Variants in ADAM22 observed in about 807,000 individuals in gnomAD.
ADAM22 encodes the protein disintegrin and metalloproteinase domain-containing protein 22.
ADAM22 carries 65 observed loss-of-function variants against 144.6 expected under a neutral mutation model. The ratio of observed to expected loss-of-function variants is 0.45; its 90% confidence interval spans 0.37 to 0.55. The LOEUF (loss-of-function observed/expected upper bound fraction) is 0.55. Ranked by LOEUF, ADAM22 falls within the 20% of genes least tolerant of loss-of-function variation. The pLI is 0.00. For missense variants in ADAM22, 974 were observed against 1,184.9 expected (o/e 0.82, Z 2.61); for synonymous variants, 391 against 412.6 (o/e 0.95, Z 0.63).
At chr7:88,050,097 A>T (rs1274686270) in intron 3 of ADAM22, among the ~76,000 whole-genome samples, 1 of 151,880 alleles carries the variant, frequency 6.6e-6, no homozygotes, top group Non-Finnish European at 1.5e-5. Context: ...AGAATTAAAC[A>T]GGAAGGCCAG....
intron 7 of ADAM22, 55 bp downstream of exon 7, chr7:88,116,869 T>C: frequency 1.5e-6 from 2 of 1,314,120 alleles, no homozygotes; most frequent in South Asian, 1.2e-5. Context: ...GTAATTTATT[T>C]AATGCCTTAG....
At chr7:88,132,687 C>T in intron 11 of ADAM22, 180 bp from the exon 12 acceptor site, 3 of 482,050 alleles carry the variant, frequency 6.2e-6, no homozygotes, top group Non-Finnish European at 7.5e-6. Context: ...GAAAACATCC[C>T]TCATAAACCT....
rs754850550 is a variant in ADAM22 at position 88,165,885 on chromosome 7, T to C, written c.2130T>C (p.Asp710=). 13 of 1,612,078 alleles carry C rather than the reference T, an allele frequency of 8.1e-6. No individual in the cohort carries two copies. The East Asian group carries it at 1.6e-4, about 19-fold the overall frequency. ...GTAACAGACACTGGATAGGTTCTGA[T>C]TGCAACACTTACTTCCCTCACAATG... ...CVCNRHWIGS[D]CNTYFPHNDD... is the part of the protein sequence containing the mutation. The change falls in exon 24 of 32, where the codon GAT becomes GAC. Residue 710 remains aspartate, a synonymous_variant. Coordinates refer to ENST00000413139, the MANE Select transcript of ADAM22 (RefSeq NM_001324418.2).
chr7:88,076,113 C>T (rs1467206444), intron 4 of ADAM22, among the ~76,000 whole-genome samples: 1 of 152,208 alleles, frequency 6.6e-6, no homozygotes, highest in African/African-American at 2.4e-5. Flanking sequence ...TCTCGGCTCA[C>T]TGCAAGCTCT....
intron 2 of ADAM22, among the ~76,000 whole-genome samples, chr7:87,953,797 A>C (rs1373658834): frequency 4.6e-5 from 7 of 152,250 alleles, no homozygotes; most frequent in East Asian, 1.9e-4. Flanking sequence ...GTAGGTCACT[A>C]AGGACTTGCT....
At chr7:87,994,087 C>G (rs947909815) in intron 3 of ADAM22, among the ~76,000 whole-genome samples, 1 of 151,996 alleles carries the variant, frequency 6.6e-6, no homozygotes, top group African/African-American at 2.4e-5. Context: ...ACTAAAAACC[C>G]TCTTTTTACA....
chr7:87,975,269 T>C (rs2129448213), intron 2 of ADAM22, among the ~76,000 whole-genome samples: 1 of 152,300 alleles, frequency 6.6e-6, no homozygotes, highest in East Asian at 1.9e-4. Flanking sequence ...ACTATGTTTA[T>C]TTTCTAAACT....
intron 7 of ADAM22, among the ~76,000 whole-genome samples, chr7:88,117,288 G>A (rs1377998802): frequency 6.6e-6 from 1 of 152,060 alleles, no homozygotes; most frequent in African/African-American, 2.4e-5. Flanking sequence ...ATACCTAAAT[G>A]GATCTAGGTT....
intron 2 of ADAM22, among the ~76,000 whole-genome samples, chr7:87,964,219 T>G (rs906069594): frequency 5.3e-5 from 8 of 152,326 alleles, no homozygotes; most frequent in African/African-American, 1.7e-4. Context: ...ATCTTCCAGG[T>G]TACAGTTGGC....
intron 3 of ADAM22, among the ~76,000 whole-genome samples, chr7:87,987,271 C>T (rs957123818): frequency 7.9e-5 from 12 of 152,242 alleles, no homozygotes; most frequent in Admixed American, 5.2e-4. Flanking sequence ...CTCCGTCTCC[C>T]GGGCTCAAGC....
chr7:88,039,982 C>T (rs994715460), intron 3 of ADAM22, among the ~76,000 whole-genome samples: 2 of 151,820 alleles, frequency 1.3e-5, no homozygotes, highest in Non-Finnish European at 2.9e-5. Context: ...TTTCACTCTC[C>T]CACTCATCAC....
intron 24 of ADAM22, 39 bp from the exon 25 acceptor site, chr7:88,168,098 A>G (rs755990944): frequency 1.5e-5 from 23 of 1,566,732 alleles, no homozygotes; most frequent in East Asian, 4.5e-5. Context: ...AAAGGATTTT[A>G]TACCACTGAT....
intron 3 of ADAM22, among the ~76,000 whole-genome samples, chr7:88,033,736 T>G (rs1340430571): frequency 6.6e-6 from 1 of 152,182 alleles, no homozygotes; most frequent in Non-Finnish European, 1.5e-5. Flanking sequence ...TCCATTCTTC[T>G]GTAGCTGAGC....
intron 4 of ADAM22, among the ~76,000 whole-genome samples, chr7:88,078,717 C>T (rs989539435): frequency 6.6e-5 from 10 of 151,716 alleles, no homozygotes; most frequent in Non-Finnish European, 1.0e-4. Context: ...CCTCAGTAAC[C>T]GATGTGATCA....
chr7:87,976,784 G>A (rs985470015), intron 2 of ADAM22, among the ~76,000 whole-genome samples: 5 of 152,062 alleles, frequency 3.3e-5, no homozygotes, highest in African/African-American at 1.2e-4. Context: ...GGTGGGCTAT[G>A]GGTAGGTGCT....
intron 25 of ADAM22, among the ~76,000 whole-genome samples, chr7:88,169,263 A>G (rs1438069119): frequency 1.3e-5 from 2 of 152,236 alleles, no homozygotes; most frequent in East Asian, 1.9e-4. Context: ...GTGGAAGACT[A>G]TATATTAATG....
intron 13 of ADAM22, among the ~76,000 whole-genome samples, chr7:88,135,400 C>A (rs1832786967): frequency 6.6e-6 from 1 of 150,448 alleles, no homozygotes. Context: ...GGTAATTCTA[C>A]AGGACACCCA....
At chr7:88,009,570 T>C (rs1794880712) in intron 3 of ADAM22, among the ~76,000 whole-genome samples, 1 of 151,682 alleles carries the variant, frequency 6.6e-6, no homozygotes, top group African/African-American at 2.4e-5. Context: ...AAATAGTGTA[T>C]TCAAACTTCA....
chr7:88,008,979 C>A (rs982271846), intron 3 of ADAM22, among the ~76,000 whole-genome samples: 2 of 151,878 alleles, frequency 1.3e-5, no homozygotes, highest in Non-Finnish European at 2.9e-5. Flanking sequence ...TCCAAACTTT[C>A]CAGTTAGCAT....
Sources: gnomAD v4.1 joint callset for allele counts (sites outside exome capture counted in the v4.1 genomes callset) on GRCh38, gnomAD v4.1.1 for gene constraint, MANE v1.5 for transcripts, NCBI Gene and HGNC (gene_info 2026-07-23, HGNC 2026-07-21) for gene names.